The following GIGYF2 variants were observed in gnomAD, a reference collection of about 807,000 sequenced individuals.
The protein encoded by GIGYF2 is GRB10-interacting GYF protein 2.
In GIGYF2, 25 loss-of-function variants were observed where a neutral mutation model predicts 208.1. The ratio of observed to expected loss-of-function variants is 0.12; its 90% CI spans 0.09 to 0.17. GIGYF2 has a LOEUF of 0.17. GIGYF2 is among the 10% of genes least tolerant of loss of function. GIGYF2 has a pLI of 1.00. For missense variants in GIGYF2, 1,302 were observed against 1,579.4 expected, an observed-to-expected ratio of 0.82 and a Z score of 2.98; for synonymous variants, 534 against 543.8, an observed-to-expected ratio of 0.98 and a Z score of 0.25.
chr2:232,811,672 A>G (rs1700738404), intron 17 of GIGYF2, among the ~76,000 whole-genome samples: 1 of 152,196 alleles, frequency 6.6e-6, no homozygotes, highest in Non-Finnish European at 1.5e-5. Flanking sequence ...TTTTACTCAT[A>G]GTATCTCAAA....
At chr2:232,805,650 A>G (rs971360118) in intron 14 of GIGYF2, among the ~76,000 whole-genome samples, 3 of 152,190 alleles carry the variant, frequency 2.0e-5, no homozygotes, top group Admixed American at 6.5e-5. Flanking sequence ...AATCTGTGAT[A>G]TATGCGATAA....
At chr2:232,836,853 G>T (rs1232757640) in intron 22 of GIGYF2, among the ~76,000 whole-genome samples, 1 of 152,140 alleles carries the variant, frequency 6.6e-6, no homozygotes, top group Non-Finnish European at 1.5e-5. Context: ...TCCACTGTCT[G>T]TTGCAAATAA....
At chr2:232,849,653 C>G (rs1574954078) in intron 27 of GIGYF2, among the ~76,000 whole-genome samples, 2 of 152,194 alleles carry the variant, frequency 1.3e-5, no homozygotes, top group South Asian at 2.1e-4. Context: ...CACTTCTCCC[C>G]CACTACTACC....
chr2:232,754,602 A>G (rs1698460765), intron 5 of GIGYF2, among the ~76,000 whole-genome samples: 1 of 152,182 alleles, frequency 6.6e-6, no homozygotes, highest in African/African-American at 2.4e-5. Context: ...GACCACAATT[A>G]TTTCAATATT....
chr2:232,836,332 ATATATATACTTATATATTT>A (rs1364786830), intron 22 of GIGYF2, among the ~76,000 whole-genome samples: 8 of 30,574 alleles, frequency 2.6e-4, no homozygotes, highest in African/African-American at 7.6e-4. Context: ...ATATATATAC[ATATATATACTTATATATTT>A]ATATATATAA....
chr2:232,806,782 G>A lies in GIGYF2; in HGVS notation c.1806+125G>A. On this transcript the variant is annotated intron_variant, in intron 15 of 28. Transcript: ENST00000373563. The surrounding 1 kb of genome is among the most constrained non-coding windows in gnomAD (Gnocchi z 4.0). ...TAGTTCTTTGAAATTAATGGAAATG[G>A]TAAGGGAAAGTCTGAATGGAAGACT... is the stretch of plus-strand genomic sequence containing the variant. The A allele has an allele frequency of 3.8e-6, 3 of 799,654 alleles. No individual in the cohort carries two copies. The highest frequency in any genetic ancestry group is 1.4e-5 in the South Asian group (1 of 73,494). The allele number at this position is 799,654 out of a possible 1,614,324, so 49.5% of individuals were successfully genotyped here.
rs748538823 is a variant in GIGYF2, at chr2:232,819,834, C to G, written c.2378C>G (p.Ala793Gly). Reference protein sequence around the residue: ...EELARRKQEEALRRQREQEIA... With the variant: ...EELARRKQEEGLRRQREQEIA... The stretch of plus-strand genomic sequence containing the variant: ...TCCATCTTTTTTCCTTAGGAAGAGG[C>G]TCTGCGTCGCCAGCGGGAGCAAGAA... The change falls in exon 21 of 29, where the codon GCT becomes GGT. Residue 793 changes from alanine (A) to glycine (G), a missense_variant. Coordinates refer to ENST00000373563, the MANE Select transcript of GIGYF2 (RefSeq NM_001103146.3). The G allele has an allele frequency of 7.9e-7, 1 of 1,262,988 alleles. No homozygotes were observed. The highest frequency in any genetic ancestry group is 2.2e-5 in the Admixed American group (1 of 45,450). 78.2% of individuals were successfully genotyped at this position (1,262,988 alleles called of 1,614,324 possible).
intron 2 of GIGYF2, among the ~76,000 whole-genome samples, chr2:232,732,507 T>C (rs1009662453): frequency 1.3e-5 from 2 of 152,212 alleles, no homozygotes; most frequent in Non-Finnish European, 1.5e-5. Flanking sequence ...TTGGCCCTTG[T>C]TCAGACAGCT....
chr2:232,723,894 G>A (rs376124907), intron 2 of GIGYF2, among the ~76,000 whole-genome samples: 1 of 145,930 alleles, frequency 6.9e-6, no homozygotes, highest in Non-Finnish European at 1.5e-5. Context: ...TTGCCACCAC[G>A]CCTGGCTAAT....
intron 18 of GIGYF2, among the ~76,000 whole-genome samples, chr2:232,815,305 G>A (rs1023378332): frequency 3.3e-5 from 5 of 152,140 alleles, no homozygotes; most frequent in Admixed American, 3.3e-4. Context: ...CCACATGCTT[G>A]CCATGTGCCC....
intron 2 of GIGYF2, chr2:232,729,604 TC>T: frequency 7.8e-7 from 1 of 1,281,732 alleles, no homozygotes; most frequent in Non-Finnish European, 1.1e-6. Context: ...GCTTATCTGT[TC>T]CAACTTTATC....
chr2:232,790,637 TTTC>T, intron 9 of GIGYF2, 58 bp from the exon 10 acceptor site: 13 of 1,343,898 alleles, frequency 9.7e-6, no homozygotes, highest in Non-Finnish European at 1.4e-5. Flanking sequence ...TATTCCTGAT[TTTC>T]TTATTCAAAT....
intron 28 of GIGYF2, among the ~76,000 whole-genome samples, chr2:232,853,964 T>C (rs1690455529): frequency 6.6e-6 from 1 of 152,244 alleles, no homozygotes; most frequent in Non-Finnish European, 1.5e-5. Context: ...TAATCAACTT[T>C]TTTTGGCCAC....
chr2:232,738,204 A>G (rs1029993866), intron 3 of GIGYF2, among the ~76,000 whole-genome samples: 2 of 152,110 alleles, frequency 1.3e-5, no homozygotes, highest in Non-Finnish European at 2.9e-5. Context: ...AGCATGAGCC[A>G]CTGCGCCCGG....
At chr2:232,758,346 G>A (rs1698623362) in intron 6 of GIGYF2, among the ~76,000 whole-genome samples, 1 of 152,180 alleles carries the variant, frequency 6.6e-6, no homozygotes, top group African/African-American at 2.4e-5. Flanking sequence ...AGAACAACAT[G>A]AAACTGTCAT....
At position 232,815,650 on chromosome 2, in the gene GIGYF2, T is replaced by C. The variant is rs755506621; in HGVS notation, c.2121T>C (p.Gly707=). 4 of 1,568,274 alleles carry C rather than the reference T, an allele frequency of 2.6e-6. No individual in the cohort carries two copies. In the East Asian group the frequency reaches 8.9e-5, roughly 35 times the overall value. Residue 707 remains glycine, a synonymous_variant, in exon 19 of 29, where the codon GGT becomes GGC. Transcript: ENST00000373563. ...TASQPTVWEG[G]SVWDLPLDTT... ...GTTGTCTTACAGTTTGGGAAGGTGG[T>C]AGTGTATGGGATCTTCCTCTGGACA...
chr2:232,849,320 A>G (rs1275748429), intron 27 of GIGYF2, among the ~76,000 whole-genome samples: 2 of 152,032 alleles, frequency 1.3e-5, no homozygotes, highest in East Asian at 3.9e-4. Flanking sequence ...ACGCACCACC[A>G]TGCCTGGCTA....
chr2:232,784,626 C>T (rs1449067640), intron 8 of GIGYF2, among the ~76,000 whole-genome samples: 2 of 151,988 alleles, frequency 1.3e-5, no homozygotes, highest in Non-Finnish European at 2.9e-5. Context: ...ATCTGCCCGC[C>T]TTAGCCTCCC....
chr2:232,822,369 T>C (rs1701112897), intron 21 of GIGYF2, among the ~76,000 whole-genome samples: 1 of 145,674 alleles, frequency 6.9e-6, no homozygotes, highest in Admixed American at 6.7e-5. Context: ...TTTGCTATTA[T>C]GAGTGGAATT....
Sources: gnomAD v4.1 joint callset for allele counts (sites outside exome capture counted in the v4.1 genomes callset) on GRCh38, gnomAD v4.1.1 for gene constraint, Gnocchi (gnomAD v3.1) non-coding constraint, MANE v1.5 for transcripts, NCBI Gene and HGNC (gene_info 2026-07-23, HGNC 2026-07-21) for gene names.